Variants in SULT1C2 observed in about 807,000 individuals in gnomAD.
SULT1C2 encodes the protein sulfotransferase 1C2.
SULT1C2 carries 27 observed loss-of-function variants against 36.0 expected under a neutral mutation model. The ratio of observed to expected loss-of-function variants is 0.75; its 90% CI spans 0.55 to 1.03. The LOEUF is 1.03. Ranked by LOEUF, SULT1C2 falls within the 50% of genes least tolerant of loss-of-function variation. The pLI, the probability that SULT1C2 is intolerant of heterozygous loss-of-function variation, is 0.00. For synonymous variants in SULT1C2, 121 were observed against 116.0 expected (o/e 1.04, Z -0.27); for missense variants, 395 against 359.2 (o/e 1.10, Z -0.80).
chr2:108,305,714 G>C lies in SULT1C2; in HGVS notation c.778+119G>C, dbSNP rs1389938283. The C allele has an allele frequency of 4.8e-6, 6 of 1,261,902 alleles. No individual in the cohort carries two copies. The East Asian group carries it at 1.4e-4, about 30-fold the overall frequency. The allele number at this position is 1,261,902 out of a possible 1,614,324, so 78.2% of individuals were successfully genotyped here. ...AATGCATTTCAACTATTCCTAATAT[G>C]TGTTTCTAATAAAACCAGGGATTTG... On this transcript the variant is annotated intron_variant, in intron 7 of 7. Coordinates refer to ENST00000251481, the MANE Select transcript of SULT1C2 (RefSeq NM_001056.4).
At chr2:108,308,300 C>T in intron 7 of SULT1C2, 52 bp from the exon 8 acceptor site, 1 of 1,525,900 alleles carries the variant, frequency 6.6e-7, no homozygotes, top group South Asian at 1.2e-5. Flanking sequence ...TACTCAGGGA[C>T]ACCACATCTT....
intron 3 of SULT1C2, 92 bp downstream of exon 3, chr2:108,294,446 C>T: frequency 3.2e-6 from 2 of 623,284 alleles, no homozygotes; most frequent in East Asian, 5.8e-5. Flanking sequence ...CTCTTCTCTC[C>T]TCTCTCTCTC....
Position 108,305,463 on chromosome 2 carries a change from G to C in SULT1C2, c.646G>C (p.Val216Leu). ...GGTGATGCAGTTCATGGGAAAGAAG[G>C]TGGATGAAACAGTGCTAGATAAAAT... ...RKVMQFMGKK[V>L]DETVLDKIVQ... The change falls in exon 7 of 8, where the codon GTG (valine) becomes CTG (leucine). Residue 216 changes from valine (V) to leucine (L), a missense_variant. Transcript: ENST00000251481. The C allele has an allele frequency of 6.2e-7, 1 of 1,614,186 alleles. No homozygotes were observed. Among genetic ancestry groups the C allele is most frequent in the Admixed American group, 1.7e-5 (1 of 60,026 alleles).
chr2:108,308,488 G>T lies in SULT1C2; in HGVS notation c.*24G>T. ...GAGCAAGATGTAAATAAAATTAAAA[G>T]GTGGATGGCAAGAGTGCAAATACTA... On this transcript the variant is annotated 3_prime_UTR_variant, in exon 8 of 8. Transcript: ENST00000251481. 2.5e-6 allele frequency: 4 copies of T among 1,579,210 alleles called. No homozygotes were observed. Among genetic ancestry groups the T allele is most frequent in the Non-Finnish European group, 1.7e-6 (2 of 1,163,602 alleles).
rs1676526693 is a variant in SULT1C2, at chr2:108,288,964, T to C, written c.-128T>C. On this transcript the variant is annotated 5_prime_UTR_variant, in exon 1 of 8. Transcript: ENST00000251481. ...CGCCCCCGTAACTCTGACACAGTAG[T>C]AATTTGAGCCTCTGCAATTGCCGTC... 1 of 152,624 alleles carries C rather than the reference T, an allele frequency of 6.6e-6. No individual in the cohort carries two copies. The highest frequency in any genetic ancestry group is 1.5e-5 in the Non-Finnish European group (1 of 68,038). The allele number at this position is 152,624 out of a possible 1,614,324, so 9.5% of individuals were successfully genotyped here.
In SULT1C2 at chr2:108,308,513, A is replaced by G. The variant is rs1227161852; in HGVS notation, c.*49A>G. 6 of 1,471,918 alleles carry G rather than the reference A, an allele frequency of 4.1e-6. No individual in the cohort carries two copies. In the South Asian group the frequency reaches 6.3e-5, roughly 16 times the overall value. 91.2% of individuals were successfully genotyped at this position (1,471,918 alleles called of 1,614,324 possible). A position where few individuals can be genotyped will look rare whatever the true frequency, so the allele number is the denominator to read the frequency against. On this transcript the variant is annotated 3_prime_UTR_variant, in exon 8 of 8. Transcript: ENST00000251481. Reference sequence around the variant, plus strand: ...GGTGGATGGCAAGAGTGCAAATACTATCTTCAATCCTTCAGTCCCAGCCAG... The same window carrying G: ...GGTGGATGGCAAGAGTGCAAATACTGTCTTCAATCCTTCAGTCCCAGCCAG...
chr2:108,290,101 C>T (rs1167068638), intron 1 of SULT1C2, among the ~76,000 whole-genome samples: 1 of 152,166 alleles, frequency 6.6e-6, no homozygotes, highest in African/African-American at 2.4e-5. Flanking sequence ...TAGTTCAAGG[C>T]CAGAGCCCTA....
At chr2:108,301,745 G>C (rs75488758) in intron 4 of SULT1C2, 5,660 of 152,308 alleles carry the variant, frequency 0.037, 113 homozygotes, top group Middle Eastern at 0.081. Flanking sequence ...GCACATAGAG[G>C]GCATTAGACA....
intron 3 of SULT1C2, among the ~76,000 whole-genome samples, chr2:108,297,845 A>T (rs1265895857): frequency 6.6e-6 from 1 of 152,094 alleles, no homozygotes; most frequent in Non-Finnish European, 1.5e-5. Context: ...TTAGAGCTGG[A>T]CTGAGCCCAC....
Position 108,293,796 on chromosome 2 carries a change from C to T in SULT1C2, c.129C>T (p.Leu43=). 6.2e-7 allele frequency: 1 copy of T among 1,614,072 alleles called. No homozygotes were observed. Among genetic ancestry groups the T allele is most frequent in the Non-Finnish European group, 8.5e-7 (1 of 1,180,000 alleles). The change falls in exon 2 of 8, where the codon CTC becomes CTT. Residue 43 remains leucine, a synonymous_variant. Transcript: ENST00000251481. ...TCGAGGCCAAACCAGATGATCTCCT[C>T]ATCTGCACCTACCCTAAAGCAGGTG... The part of the protein sequence containing the change: ...QSFEAKPDDL[L]ICTYPKAGTT...
At chr2:108,295,572 T>C (rs1282443043) in intron 3 of SULT1C2, among the ~76,000 whole-genome samples, 3 of 152,220 alleles carry the variant, frequency 2.0e-5, no homozygotes, top group African/African-American at 7.2e-5. Context: ...CACCTCACAA[T>C]GTTTACATAA....
intron 1 of SULT1C2, among the ~76,000 whole-genome samples, chr2:108,290,856 G>C (rs1274746559): frequency 6.6e-6 from 1 of 152,152 alleles, no homozygotes; most frequent in African/African-American, 2.4e-5. Flanking sequence ...GTGTTTTGTA[G>C]TTTTATGTTT....
chr2:108,294,459 C>T, intron 3 of SULT1C2, 105 bp downstream of exon 3: 1 of 1,219,280 alleles, frequency 8.2e-7, no homozygotes, highest in Non-Finnish European at 1.1e-6. Flanking sequence ...TCTCTCTCCC[C>T]CATCTCTCCT....
intron 3 of SULT1C2, among the ~76,000 whole-genome samples, chr2:108,296,331 C>T (rs1408384624): frequency 1.3e-5 from 2 of 152,196 alleles, no homozygotes; most frequent in African/African-American, 2.4e-5. Context: ...TACAGAGGCA[C>T]CCTGGCCTCT....
chr2:108,292,996 T>C (rs1000801463), intron 1 of SULT1C2, among the ~76,000 whole-genome samples: 2 of 152,006 alleles, frequency 1.3e-5, no homozygotes, highest in African/African-American at 4.8e-5. Flanking sequence ...CTGGCCAACA[T>C]GGCGAAACTC....
intron 4 of SULT1C2, chr2:108,301,342 A>G: frequency 3.1e-5 from 5 of 159,036 alleles, no homozygotes; most frequent in Non-Finnish European, 6.9e-5. Flanking sequence ...CTGTAATCCC[A>G]GCACTTTGGG....
intron 3 of SULT1C2, among the ~76,000 whole-genome samples, chr2:108,295,202 A>G (rs1187338970): frequency 6.6e-6 from 1 of 152,246 alleles, no homozygotes; most frequent in Non-Finnish European, 1.5e-5. Flanking sequence ...AGGTGTCTCC[A>G]AGTCAGAATA....
chr2:108,291,672 G>T (rs770346878), intron 1 of SULT1C2, among the ~76,000 whole-genome samples: 40 of 152,112 alleles, frequency 2.6e-4, no homozygotes, highest in Admixed American at 1.0e-3. Flanking sequence ...TGTTGGCTGC[G>T]ATCCTGGGCA....
intron 3 of SULT1C2, among the ~76,000 whole-genome samples, chr2:108,295,329 T>C (rs772381617): frequency 2.6e-5 from 4 of 152,334 alleles, no homozygotes; most frequent in Non-Finnish European, 5.9e-5. Flanking sequence ...TGTAACCCAG[T>C]GCCTGTTCCC....
Sources: allele counts gnomAD v4.1 joint callset (sites outside exome capture counted in the v4.1 genomes callset), GRCh38; gene constraint gnomAD v4.1.1; transcripts MANE v1.5; gene names NCBI Gene and HGNC (gene_info 2026-07-23, HGNC 2026-07-21).